The following EMC3 variants were observed in gnomAD, a reference collection of about 807,000 sequenced individuals.
EMC3 encodes ER membrane protein complex subunit 3, also known as 30 kDa protein.
Under a neutral mutation model 36.6 loss-of-function variants are expected in EMC3, and 13 were observed. That is an observed-to-expected ratio of 0.35 (90% confidence interval 0.23 to 0.56). EMC3 has a LOEUF of 0.56. Ranked by LOEUF, EMC3 falls within the 20% of genes least tolerant of loss-of-function variation. The pLI, the probability that EMC3 is intolerant of heterozygous loss-of-function variation, is 0.84. For missense variants in EMC3, 220 were observed against 324.5 expected (o/e 0.68, Z 2.47); for synonymous variants, 120 against 111.9 (o/e 1.07, Z -0.46).
chr3:9,975,798 C>T (rs985312909), intron 3 of EMC3, among the ~76,000 whole-genome samples: 9 of 125,434 alleles, frequency 7.2e-5, no homozygotes, highest in African/African-American at 2.9e-4. Context: ...GGTGAGAGAG[C>T]GAGACTCCTT....
upstream of EMC3, chr3:9,987,829 G>C (rs2085996195): frequency 1.7e-6 from 1 of 601,114 alleles, no homozygotes; most frequent in African/African-American, 1.9e-5. Context: ...TCAGGAGATT[G>C]TCATGGTTGA....
At chr3:9,990,325 C>CTCTTTTT (rs756491768), upstream of EMC3, among the ~76,000 whole-genome samples, 346 of 88,702 alleles carry the variant, frequency 3.9e-3, 4 homozygotes, top group African/African-American at 0.02. Context: ...GGGCCTTTCT[C>CTCTTTTT]TTTTTTTTTT....
chr3:9,986,846 C>A, upstream of EMC3: 1 of 1,381,386 alleles, frequency 7.2e-7, no homozygotes. Flanking sequence ...CCACTTCCGG[C>A]GCGAACGTTG....
upstream of EMC3, among the ~76,000 whole-genome samples, chr3:9,991,704 T>A (rs747667093): frequency 2.6e-5 from 4 of 152,240 alleles, no homozygotes; most frequent in Non-Finnish European, 5.9e-5. Context: ...CAGGCTGCTG[T>A]TTTTTCCACT....
At chr3:9,985,434 T>C (rs1164968210) in intron 1 of EMC3, among the ~76,000 whole-genome samples, 1 of 152,184 alleles carries the variant, frequency 6.6e-6, no homozygotes, top group Non-Finnish European at 1.5e-5. Flanking sequence ...GAAAATTGCT[T>C]GTTTTTCTAA....
intron 1 of EMC3, among the ~76,000 whole-genome samples, chr3:9,977,711 C>T (rs2085864493): frequency 6.6e-6 from 1 of 152,164 alleles, no homozygotes; most frequent in Non-Finnish European, 1.5e-5. Flanking sequence ...TGGGACATTA[C>T]ACTCAGCTTT....
intron 4 of EMC3, 116 bp from the exon 5 acceptor site, chr3:9,973,825 C>A: frequency 1.1e-6 from 1 of 915,960 alleles, no homozygotes; most frequent in Non-Finnish European, 1.8e-6. Context: ...AAAACGACTT[C>A]CACAAGGAAA....
At chr3:10,006,313 T>C (rs1239096421) in intron 1 of EMC3, 1 of 152,182 alleles carries the variant, frequency 6.6e-6, no homozygotes, top group Non-Finnish European at 1.5e-5. Context: ...ATTAAAATAT[T>C]TTTGCCTGTC....
At chr3:10,007,400 G>T (rs1412516141) in intron 1 of EMC3, 5 of 1,367,434 alleles carry the variant, frequency 3.7e-6, no homozygotes, top group East Asian at 9.1e-5. Context: ...ACTGTGCTGG[G>T]GTCAGTGGCG....
intron 5 of EMC3, 94 bp downstream of exon 5, chr3:9,973,534 A>C (rs1309295894): frequency 2.1e-5 from 24 of 1,129,434 alleles, no homozygotes; most frequent in Admixed American, 1.8e-5. Context: ...TCTGTTGCCC[A>C]GGCTGGTCTC....
In EMC3 at chr3:10,009,724, T is replaced by C. The variant is rs557818796; in HGVS notation, c.-242+1299A>G. Among the ~76,000 whole-genome samples the C allele has an allele frequency of 9.7e-4, 148 of 152,356 alleles. 1 individual carries two copies. Among genetic ancestry groups the C allele is most frequent in the African/African-American group, 3.4e-3 (143 of 41,582 alleles). On this transcript the variant is annotated intron_variant, in intron 1 of 8. Coordinates refer to the EMC3 transcript ENST00000470827. ...CCTGCCCTCAGAGGCTCCCTTCATC[T>C]GTCCACTTGGCAAAGGAAGGGGCGG...
chr3:10,003,395 C>G (rs1399235862), intron 1 of EMC3: 2 of 362,620 alleles, frequency 5.5e-6, no homozygotes, highest in Admixed American at 3.7e-5. Flanking sequence ...AACATAGTTG[C>G]ACGGCTGAAG....
rs1366757291 is a variant in EMC3, at chr3:9,964,006, A to C, written c.*63T>G. The C allele has an allele frequency of 6.3e-7, 1 of 1,591,764 alleles. No individual in the cohort carries two copies. Among genetic ancestry groups the C allele is most frequent in the African/African-American group, 1.3e-5 (1 of 74,084 alleles). ...TTTTATTTCAAGAGGTGCCAGCTCC[A>C]AACAAAGTTACAAGGTTAAGTGCAA... On this transcript the variant is annotated 3_prime_UTR_variant, in exon 8 of 8. Coordinates refer to ENST00000245046, the MANE Select transcript of EMC3 (RefSeq NM_001394674.1).
At chr3:9,975,321 G>A (rs1030766098) in intron 3 of EMC3, among the ~76,000 whole-genome samples, 1 of 152,106 alleles carries the variant, frequency 6.6e-6, no homozygotes, top group Non-Finnish European at 1.5e-5. Flanking sequence ...ATGTGTTTCC[G>A]TAAGAGAATT....
At chr3:9,989,063 C>G (rs1282720282), upstream of EMC3, among the ~76,000 whole-genome samples, 1 of 152,120 alleles carries the variant, frequency 6.6e-6, no homozygotes, top group Non-Finnish European at 1.5e-5. Context: ...AAAATAACCA[C>G]CTAAGTCTCA....
chr3:9,997,085 A>C (rs2086135097), intron 1 of EMC3, among the ~76,000 whole-genome samples: 1 of 152,176 alleles, frequency 6.6e-6, no homozygotes, highest in African/African-American at 2.4e-5. Flanking sequence ...ATAATTTGCC[A>C]TCTTCCTCTC....
At chr3:9,992,423 G>A (rs1438640867) in intron 1 of EMC3, among the ~76,000 whole-genome samples, 1 of 152,158 alleles carries the variant, frequency 6.6e-6, no homozygotes, top group African/African-American at 2.4e-5. Flanking sequence ...CCCACGCCCA[G>A]CCTGGCTTAT....
Position 9,963,469 on chromosome 3 carries a change from A to ATTTTTTT in EMC3, c.*599_*600insAAAAAAA. 1.9e-5 allele frequency: 2 copies of ATTTTTTT among 106,928 alleles called. No homozygotes were observed. The highest frequency in any genetic ancestry group is 7.6e-5 in the African/African-American group (2 of 26,440). The allele number at this position is 106,928 out of a possible 1,614,324, so 6.6% of individuals were successfully genotyped here. A position where few individuals can be genotyped will look rare whatever the true frequency, so the allele number is the denominator to read the frequency against. Reference sequence around the variant, plus strand: ...TGCTAAGATAGATATATATATATATATATATATATTTTTTTTTTTTTTTCA... The same window carrying ATTTTTTT: ...TGCTAAGATAGATATATATATATATATTTTTTTTATATATATTTTTTTTTTTTTTTCA... On this transcript the variant is annotated 3_prime_UTR_variant, in exon 8 of 8. Transcript: ENST00000245046.
At chr3:9,987,999 ACAAG>A, upstream of EMC3, 1 of 908,640 alleles carries the variant, frequency 1.1e-6, no homozygotes, top group Non-Finnish European at 1.8e-6. Context: ...AAAGTAAAGG[ACAAG>A]CAAGGTAAAG....
Sources: allele counts gnomAD v4.1 joint callset (sites outside exome capture counted in the v4.1 genomes callset), GRCh38; gene constraint gnomAD v4.1.1; transcripts MANE v1.5; gene names NCBI Gene and HGNC (gene_info 2026-07-23, HGNC 2026-07-21).